PXDNL: variants seen among roughly 807,000 people sequenced by gnomAD.
The protein encoded by PXDNL is probable oxidoreductase PXDNL.
A neutral mutation model predicts 150.8 loss-of-function variants in PXDNL; 145 were observed. The observed-to-expected ratio is 0.96, with a 90% CI of 0.84 to 1.10. The LOEUF is 1.10. PXDNL is among the 50% of genes least tolerant of loss of function. The probability of loss-of-function intolerance (pLI) is 0.00; values close to 1 mark genes in which losing one functional copy is unlikely to be tolerated. For missense variants in PXDNL, 2,087 were observed against 1,873.9 expected (o/e 1.11, Z -2.10); for synonymous variants, 757 against 725.7 (o/e 1.04, Z -0.69).
intron 20 of PXDNL, among the ~76,000 whole-genome samples, chr8:51,345,304 T>A (rs1387956851): frequency 6.6e-6 from 1 of 152,170 alleles, no homozygotes; most frequent in African/African-American, 2.4e-5. Flanking sequence ...ACACTTTGTA[T>A]CAAGCTAATA....
chr8:51,794,276 C>T (rs1381855175), intron 1 of PXDNL, among the ~76,000 whole-genome samples: 1 of 152,144 alleles, frequency 6.6e-6, no homozygotes, highest in African/African-American at 2.4e-5. Flanking sequence ...CCAAACCTAA[C>T]AAGACAGGCC....
In PXDNL at chr8:51,539,486, G is replaced by A. The variant is rs761758581; in HGVS notation, c.380+17354C>T. Among the ~76,000 whole-genome samples, 65 of 152,114 alleles carry A rather than the reference G, an allele frequency of 4.3e-4. 1 individual carries two copies. The highest frequency in any genetic ancestry group is 7.4e-4 in the Non-Finnish European group (50 of 67,952). ...ATAATTCTAACTCATAAAATGAGTT[G>A]AGAATTATCCCACTGTAAGAATTTG... On this transcript the variant is annotated intron_variant, in intron 4 of 22. Transcript: ENST00000356297.
At chr8:51,599,384 T>C (rs1813643876) in intron 2 of PXDNL, among the ~76,000 whole-genome samples, 2 of 151,902 alleles carry the variant, frequency 1.3e-5, no homozygotes, top group South Asian at 4.1e-4. Context: ...CTCTCAACTT[T>C]CCTCTTAACA....
intron 4 of PXDNL, among the ~76,000 whole-genome samples, chr8:51,533,147 T>G (rs1371183954): frequency 6.6e-6 from 1 of 152,106 alleles, no homozygotes; most frequent in Non-Finnish European, 1.5e-5. Context: ...TTTATTTATA[T>G]TTATTTACTT....
At chr8:51,508,236 G>C (rs1420546512) in intron 4 of PXDNL, among the ~76,000 whole-genome samples, 3 of 152,218 alleles carry the variant, frequency 2.0e-5, no homozygotes, top group Non-Finnish European at 4.4e-5. Flanking sequence ...GAAAGCTAGT[G>C]AGAGGTCTAT....
Position 51,449,044 on chromosome 8 carries a change from C to T in PXDNL, c.1324G>A (p.Ala442Thr), listed in dbSNP as rs1394729926. The change falls in exon 11 of 23, where the codon GCT becomes ACT. Residue 442 changes from alanine (A) to threonine (T), a missense_variant. Transcript: ENST00000356297. ...EEHAVEWLCEADGNPPPVIVW... is the reference protein window; with the variant it reads ...EEHAVEWLCETDGNPPPVIVW... ...ATAACAGGAGGTGGGTTGCCGTCAG[C>T]TTCACAGAGCCACTCTACAGCATGT... is the stretch of plus-strand genomic sequence containing the variant. The T allele has an allele frequency of 6.4e-7, 1 of 1,552,746 alleles. No homozygotes were observed. Among genetic ancestry groups the T allele is most frequent in the Non-Finnish European group, 8.7e-7 (1 of 1,147,534 alleles).
At chr8:51,344,812 T>C (rs1806094031) in intron 20 of PXDNL, among the ~76,000 whole-genome samples, 1 of 152,206 alleles carries the variant, frequency 6.6e-6, no homozygotes, top group African/African-American at 2.4e-5. Context: ...AAGTAGGTAT[T>C]ACATGCCCAT....
chr8:51,604,655 TA>T (rs534900065), intron 2 of PXDNL, among the ~76,000 whole-genome samples: 1,752 of 152,050 alleles, frequency 0.012, 16 homozygotes, highest in South Asian at 0.026. Flanking sequence ...ATAATAATAA[TA>T]AAAAAAATAC....
Position 51,393,424 on chromosome 8 carries a change from C to A in PXDNL, c.3557+14643G>T, listed in dbSNP as rs117624997. 3.5e-3 allele frequency among the ~76,000 whole-genome samples: 534 copies of A among 152,330 alleles called. 2 individuals carry two copies. The highest frequency in any genetic ancestry group is 5.4e-3 in the Non-Finnish European group (370 of 68,026). ...CACAGTGAGAAGGAAATGAAGAGAGCACGTGTAACACCATGGTCTGACATC... is the reference window on the plus strand; with the variant it reads ...CACAGTGAGAAGGAAATGAAGAGAGAACGTGTAACACCATGGTCTGACATC... On this transcript the variant is annotated intron_variant, in intron 17 of 22. Coordinates refer to ENST00000356297, the MANE Select transcript of PXDNL (RefSeq NM_144651.5).
intron 12 of PXDNL, chr8:51,436,499 C>T (rs571677878): frequency 8.9e-6 from 3 of 338,788 alleles, no homozygotes; most frequent in South Asian, 5.6e-5. Flanking sequence ...ATCCTTCTTC[C>T]ATGTGATCCC....
chr8:51,710,779 G>T (rs1180202050), intron 1 of PXDNL, among the ~76,000 whole-genome samples: 1 of 152,114 alleles, frequency 6.6e-6, no homozygotes, highest in African/African-American at 2.4e-5. Flanking sequence ...AAACCATATG[G>T]TCATACCAAT....
intron 19 of PXDNL, among the ~76,000 whole-genome samples, chr8:51,350,305 G>A (rs1462538569): frequency 6.7e-6 from 1 of 149,778 alleles, no homozygotes; most frequent in Non-Finnish European, 1.5e-5. Flanking sequence ...AGATAACCTA[G>A]GAAAAGACTA....
At chr8:51,804,309 G>A (rs1212790685) in intron 1 of PXDNL, among the ~76,000 whole-genome samples, 1 of 152,164 alleles carries the variant, frequency 6.6e-6, no homozygotes, top group Non-Finnish European at 1.5e-5. Flanking sequence ...AGTGAGCAGA[G>A]GGGTGACTTT....
chr8:51,516,556 C>T (rs948178294), intron 4 of PXDNL, among the ~76,000 whole-genome samples: 8 of 152,246 alleles, frequency 5.3e-5, no homozygotes, highest in Middle Eastern at 3.4e-3. Flanking sequence ...TACTTTAAAT[C>T]GACATTCTAT....
rs367770672 is a variant in PXDNL, at chr8:51,409,025, G to A, written c.2599C>T (p.Pro867Ser). The change falls in exon 17 of 23, where the codon CCC becomes TCC. Residue 867 changes from proline (P) to serine (S), a missense_variant. Transcript: ENST00000356297. ...GAGGGACGGCCGCTGGCACACGCGGGGCTGGAGCGCGCGAAGAGCATGCAG... is the reference window on the plus strand; with the variant it reads ...GAGGGACGGCCGCTGGCACACGCGGAGCTGGAGCGCGCGAAGAGCATGCAG... ...APCMLFARSS[P>S]ACASGRPSAT... 113 of 1,610,768 alleles carry A rather than the reference G, an allele frequency of 7.0e-5. No individual in the cohort carries two copies. The African/African-American group carries it at 9.7e-4, about 14-fold the overall frequency.
intron 4 of PXDNL, among the ~76,000 whole-genome samples, chr8:51,519,317 G>T (rs1036972633): frequency 6.6e-5 from 10 of 152,098 alleles, no homozygotes; most frequent in Non-Finnish European, 1.3e-4. Context: ...GAGGCAGGCA[G>T]ATCACCTAAG....
rs1563304353 is a variant in PXDNL, at chr8:51,735,554, T to TTTG, written c.164+73626_164+73627insCAA. On this transcript the variant is annotated intron_variant, in intron 1 of 22. Transcript: ENST00000356297. ...TTTTTTTTTTTTTTTTTTTTTTTTTTTTTTTTTTTTGAGACGGAGTCTCGC... is the reference window on the plus strand; with the variant it reads ...TTTTTTTTTTTTTTTTTTTTTTTTTTTTGTTTTTTTTTTGAGACGGAGTCTCGC... Among the ~76,000 whole-genome samples, 260 of 133,602 alleles carry TTTG rather than the reference T, an allele frequency of 1.9e-3. 15 individuals are homozygous for TTTG. Among genetic ancestry groups the TTTG allele is most frequent in the Middle Eastern group, 3.7e-3 (1 of 270 alleles). 87.6% of individuals were successfully genotyped at this position (133,602 alleles called of 152,430 possible).
chr8:51,773,800 T>C (rs191783109), intron 1 of PXDNL, among the ~76,000 whole-genome samples: 1 of 152,356 alleles, frequency 6.6e-6, no homozygotes, highest in Admixed American at 6.5e-5. Flanking sequence ...CAATTTACCA[T>C]TTTCAGCAGT....
In PXDNL at chr8:51,780,045, T is replaced by A. The variant is rs148598951; in HGVS notation, c.164+29136A>T. Among the ~76,000 whole-genome samples the A allele has an allele frequency of 7.2e-5, 11 of 152,278 alleles. No individual in the cohort carries two copies. In the East Asian group the frequency reaches 2.1e-3, roughly 29 times the overall value. ...TGGCCATCATGGGAAATCCCATATC[T>A]GCTAAAAATACAAAAATTAGCTGGG... On this transcript the variant is annotated intron_variant, in intron 1 of 22. Transcript: ENST00000356297.
Sources: allele counts gnomAD v4.1 joint callset (sites outside exome capture counted in the v4.1 genomes callset), GRCh38; gene constraint gnomAD v4.1.1; transcripts MANE v1.5; gene names NCBI Gene and HGNC (gene_info 2026-07-23, HGNC 2026-07-21).